The following RIMS1 variants were observed in gnomAD, a reference collection of about 807,000 sequenced individuals.
The protein encoded by RIMS1 is regulating synaptic membrane exocytosis protein 1.
A neutral mutation model predicts 214.1 loss-of-function variants in RIMS1; 83 were observed. That is an observed-to-expected ratio of 0.39 (90% confidence interval 0.32 to 0.47). RIMS1 has a LOEUF of 0.47. RIMS1 is among the 20% of genes least tolerant of loss of function. RIMS1 has a pLI of 0.99. For synonymous variants in RIMS1, 793 were observed against 786.8 expected (o/e 1.01, Z -0.13); for missense variants, 2,050 against 2,161.8 (o/e 0.95, Z 1.03).
At position 72,028,331 on chromosome 6, in the gene RIMS1, A is replaced by G. The variant is rs191545263; in HGVS notation, c.245+59268A>G. On this transcript the variant is annotated intron_variant, in intron 2 of 33. Coordinates refer to ENST00000521978, the MANE Select transcript of RIMS1 (RefSeq NM_014989.7). ...AACTAGTAAATATATAGACCTAAGAAGTCTATGTAATTATTTGGTTACTAT... is the reference window on the plus strand; with the variant it reads ...AACTAGTAAATATATAGACCTAAGAGGTCTATGTAATTATTTGGTTACTAT... 6.8e-3 allele frequency among the ~76,000 whole-genome samples: 1,041 copies of G among 152,296 alleles called. 10 individuals are homozygous for G. Among genetic ancestry groups the G allele is most frequent in the African/African-American group, 0.024 (981 of 41,558 alleles).
In RIMS1 at chr6:72,182,608, C is replaced by G. The variant is rs1223993301; in HGVS notation, c.1137C>G (p.Ala379=). 3.2e-6 allele frequency: 5 copies of G among 1,547,664 alleles called. No homozygotes were observed. The South Asian group carries it at 6.0e-5, about 18-fold the overall frequency. Residue 379 remains alanine, a synonymous_variant, in exon 6 of 34, where the codon GCC becomes GCG. Coordinates refer to ENST00000521978, the MANE Select transcript of RIMS1 (RefSeq NM_014989.7). ...PPEEQQMRMH[A]RVSRARHERR... The stretch of plus-strand genomic sequence containing the variant: ...AGGAGCAGCAGATGCGCATGCACGC[C>G]CGGGTGTCCCGCGCCAGGCACGAGC...
At chr6:71,939,157 A>T (rs1785314125) in intron 1 of RIMS1, among the ~76,000 whole-genome samples, 1 of 152,222 alleles carries the variant, frequency 6.6e-6, no homozygotes, top group African/African-American at 2.4e-5. Flanking sequence ...TATAACAAAG[A>T]TGGCCTTTAC....
chr6:71,915,923 T>C (rs1044170896), intron 1 of RIMS1, among the ~76,000 whole-genome samples: 23 of 152,052 alleles, frequency 1.5e-4, no homozygotes, highest in African/African-American at 5.1e-4. Context: ...AGGGGAACTC[T>C]CCTTTATAAA....
At chr6:72,271,286 A>AAAAAATATATAT (rs1417580438) in intron 22 of RIMS1, among the ~76,000 whole-genome samples, 7 of 44,408 alleles carry the variant, frequency 1.6e-4, no homozygotes, top group East Asian at 2.1e-3. Flanking sequence ...AAAAAAAAAA[A>AAAAAATATATAT]ATATATATAT....
chr6:72,216,185 C>G (rs991174439), intron 6 of RIMS1, among the ~76,000 whole-genome samples: 1 of 151,912 alleles, frequency 6.6e-6, no homozygotes, highest in Non-Finnish European at 1.5e-5. Context: ...TGCTGTTGTT[C>G]TGTAACACAA....
intron 8 of RIMS1, among the ~76,000 whole-genome samples, chr6:72,236,096 C>T (rs565849751): frequency 6.6e-6 from 1 of 152,126 alleles, no homozygotes; most frequent in Non-Finnish European, 1.5e-5. Context: ...TTGATTATTA[C>T]CATTAATTAC....
At chr6:71,887,848 A>T (rs1768290708) in intron 1 of RIMS1, among the ~76,000 whole-genome samples, 1 of 152,070 alleles carries the variant, frequency 6.6e-6, no homozygotes. Flanking sequence ...TCTTCTCCAT[A>T]TGTAATGCCA....
rs546553913 is a variant in RIMS1 at position 72,021,891 on chromosome 6, A to G, written c.245+52828A>G. Among the ~76,000 whole-genome samples the G allele has an allele frequency of 3.3e-5, 5 of 152,318 alleles. No homozygotes were observed. The South Asian group carries it at 1.0e-3, about 32-fold the overall frequency. ...CCCTCACCTTTGAGGAGTAAGTCCCAGAAGTTGTACATAGTACATTGGCAC... is the reference window on the plus strand; with the variant it reads ...CCCTCACCTTTGAGGAGTAAGTCCCGGAAGTTGTACATAGTACATTGGCAC... On this transcript the variant is annotated intron_variant, in intron 2 of 33. Transcript: ENST00000521978.
chr6:71,991,933 C>A (rs1027946613), intron 2 of RIMS1, among the ~76,000 whole-genome samples: 62 of 152,242 alleles, frequency 4.1e-4, no homozygotes, highest in African/African-American at 1.4e-4. Context: ...GGCTTGTTGG[C>A]AGGTGCCTGT....
chr6:72,223,855 G>C (rs182563304), intron 6 of RIMS1, among the ~76,000 whole-genome samples: 2 of 151,642 alleles, frequency 1.3e-5, no homozygotes, highest in East Asian at 2.0e-4. Flanking sequence ...GGCTGAGGCA[G>C]GTGAATGGCG....
intron 6 of RIMS1, among the ~76,000 whole-genome samples, chr6:72,202,993 A>AT (rs972094969): frequency 6.6e-6 from 1 of 151,676 alleles, no homozygotes; most frequent in African/African-American, 2.4e-5. Flanking sequence ...TTCTTTTTTT[A>AT]TTTTTTATTT....
At position 72,392,680 on chromosome 6, in the gene RIMS1, T is replaced by G; in HGVS notation, c.4506-18T>G. 1 of 1,561,184 alleles carries G rather than the reference T, an allele frequency of 6.4e-7. No individual in the cohort carries two copies. The highest frequency in any genetic ancestry group is 1.1e-5 in the South Asian group (1 of 89,976). ...TTTCATGGGTTTTTTCCTTTGGTTT[T>G]TATCCTTTTGCTGATAGTTTAATAT... On this transcript the variant is annotated intron_variant, in intron 30 of 33. Transcript: ENST00000521978.
chr6:72,196,377 G>GTCTGTCTGTCTGTCTA (rs1554269277), intron 6 of RIMS1, among the ~76,000 whole-genome samples: 25 of 144,090 alleles, frequency 1.7e-4, no homozygotes, highest in South Asian at 8.9e-4. Flanking sequence ...CTGTCTGTCT[G>GTCTGTCTGTCTGTCTA]TCTATCTATC....
At chr6:72,306,123 T>C (rs958393793) in intron 26 of RIMS1, among the ~76,000 whole-genome samples, 2 of 152,118 alleles carry the variant, frequency 1.3e-5, no homozygotes, top group African/African-American at 4.8e-5. Flanking sequence ...TTGTAAGAGA[T>C]AAAATCAGCA....
At chr6:72,108,314 T>C (rs1366106756) in intron 4 of RIMS1, among the ~76,000 whole-genome samples, 1 of 152,140 alleles carries the variant, frequency 6.6e-6, no homozygotes. Flanking sequence ...GGTTTGGAAC[T>C]TGTGGGCTCA....
intron 1 of RIMS1, among the ~76,000 whole-genome samples, chr6:71,965,711 A>T (rs1409387418): frequency 6.6e-6 from 1 of 152,226 alleles, no homozygotes; most frequent in African/African-American, 2.4e-5. Flanking sequence ...GCTCACATGC[A>T]GTTAGAAGAC....
rs1586083689 is a variant in RIMS1 at position 72,064,273 on chromosome 6, G to A, written c.246-32676G>A. On this transcript the variant is annotated intron_variant, in intron 2 of 33. Transcript: ENST00000521978. ...GCGGAGGTTGCAGTGAGCTGAGATCGTGCCATTGCACTCCAGCCTGGGCAA... is the reference window on the plus strand; with the variant it reads ...GCGGAGGTTGCAGTGAGCTGAGATCATGCCATTGCACTCCAGCCTGGGCAA... 4.0e-5 allele frequency among the ~76,000 whole-genome samples: 6 copies of A among 151,860 alleles called. No individual in the cohort carries two copies. The South Asian group carries it at 1.2e-3, about 32-fold the overall frequency.
At chr6:71,991,793 G>T (rs1801629099) in intron 2 of RIMS1, among the ~76,000 whole-genome samples, 1 of 152,246 alleles carries the variant, frequency 6.6e-6, no homozygotes, top group African/African-American at 2.4e-5. Flanking sequence ...GCCGGGCCCA[G>T]TGGCTCACGC....
chr6:72,166,286 A>G (rs2046248465), intron 4 of RIMS1, among the ~76,000 whole-genome samples: 2 of 144,504 alleles, frequency 1.4e-5, no homozygotes, highest in Admixed American at 1.4e-4. Flanking sequence ...AGACAGATGA[A>G]CTCCTTGGTG....
Sources: allele counts gnomAD v4.1 joint callset (sites outside exome capture counted in the v4.1 genomes callset), GRCh38; gene constraint gnomAD v4.1.1; transcripts MANE v1.5; gene names NCBI Gene and HGNC (gene_info 2026-07-23, HGNC 2026-07-21).